The following REV3L variants were observed in gnomAD, a reference collection of about 807,000 sequenced individuals.
REV3L encodes REV3 like, DNA directed polymerase zeta catalytic subunit, also known as DNA polymerase zeta catalytic subunit.
A neutral mutation model predicts 299.4 loss-of-function variants in REV3L; 69 were observed. The observed-to-expected ratio is 0.23, with a 90% CI of 0.19 to 0.28. REV3L has a LOEUF of 0.28. Among genes scored for constraint, REV3L ranks in the 10% least tolerant of loss-of-function variants. The pLI is 1.00. For missense variants in REV3L, 3,128 were observed against 3,693.8 expected (o/e 0.85, Z 3.97); for synonymous variants, 1,238 against 1,271.4 (o/e 0.97, Z 0.56).
intron 1 of REV3L, among the ~76,000 whole-genome samples, chr6:111,469,147 G>A (rs2128335291): frequency 6.6e-6 from 1 of 152,292 alleles, no homozygotes; most frequent in East Asian, 1.9e-4. Context: ...GGGCAACAGA[G>A]CGAGACTGTT....
At chr6:111,344,156 T>TA in intron 20 of REV3L, 113 bp from the exon 21 acceptor site, 2 of 646,632 alleles carry the variant, frequency 3.1e-6, no homozygotes, top group Non-Finnish European at 5.3e-6. Context: ...TTAAAGCTAC[T>TA]TGTAAAACTG....
chr6:111,427,668 C>CA (rs1224401443), intron 1 of REV3L, among the ~76,000 whole-genome samples: 2 of 152,346 alleles, frequency 1.3e-5, no homozygotes, highest in East Asian at 1.9e-4. Flanking sequence ...TTTCCCAACT[C>CA]AGAGTTGCTA....
chr6:111,308,953 T>C (rs1341832608), intron 30 of REV3L, among the ~76,000 whole-genome samples: 6 of 152,222 alleles, frequency 3.9e-5, no homozygotes, highest in Non-Finnish European at 7.3e-5. Context: ...GGTTCCCTTG[T>C]TCCCCTTGCA....
chr6:111,379,573 C>T (rs1235979449), intron 11 of REV3L, among the ~76,000 whole-genome samples: 2 of 152,180 alleles, frequency 1.3e-5, no homozygotes. Flanking sequence ...AACCTTAGTT[C>T]CCTTAGTCTA....
chr6:111,328,640 C>T (rs1775075736), intron 25 of REV3L, among the ~76,000 whole-genome samples: 1 of 152,202 alleles, frequency 6.6e-6, no homozygotes, highest in South Asian at 2.1e-4. Flanking sequence ...AGTCACAGAT[C>T]CCCAAGAATA....
chr6:111,315,742 A>C (rs923703520), intron 26 of REV3L: 1 of 202,206 alleles, frequency 4.9e-6, no homozygotes, highest in Admixed American at 5.2e-5. Context: ...TCAGTGGCAG[A>C]TCAGTCAGAT....
chr6:111,343,860 A>C (rs892092301), intron 21 of REV3L, 65 bp downstream of exon 21: 1 of 1,133,978 alleles, frequency 8.8e-7, no homozygotes, highest in African/African-American at 1.6e-5. Flanking sequence ...TGTGCATTTT[A>C]TTACATATAA....
chr6:111,394,706 ATTTTT>A (rs35239605), intron 4 of REV3L, among the ~76,000 whole-genome samples: 2 of 139,466 alleles, frequency 1.4e-5, no homozygotes, highest in African/African-American at 2.7e-5. Context: ...CTGTCCTACA[ATTTTT>A]TTTTTTTTTT....
rs71021836 is a variant in REV3L at position 111,360,470 on chromosome 6, CTTTT to C, written c.6880-1460_6880-1457del. Among the ~76,000 whole-genome samples the C allele has an allele frequency of 6.7e-3, 864 of 129,512 alleles. 9 individuals are homozygous for C. Among genetic ancestry groups the C allele is most frequent in the African/African-American group, 0.026 (829 of 31,662 alleles). The allele number at this position is 129,512 out of a possible 152,430, so 85.0% of individuals were successfully genotyped here. A position where few individuals can be genotyped will look rare whatever the true frequency, so the allele number is the denominator to read the frequency against. The stretch of plus-strand genomic sequence containing the variant: ...GCTCATTGTAAATTTGTTAAATAAT[CTTTT>C]TTTTTTTTTTTTTTTTTTAGACACA... On this transcript the variant is annotated intron_variant, in intron 16 of 31. Transcript: ENST00000368802.
chr6:111,316,325 G>C (rs1035206990), intron 26 of REV3L, among the ~76,000 whole-genome samples: 3 of 151,892 alleles, frequency 2.0e-5, no homozygotes, highest in Non-Finnish European at 4.4e-5. Flanking sequence ...ATGTACTTGT[G>C]ATATGGGAGA....
Position 111,351,759 on chromosome 6 carries a change from A to G in REV3L, c.7217T>C (p.Ile2406Thr). The G allele has an allele frequency of 1.9e-6, 3 of 1,613,438 alleles. No homozygotes were observed. Among genetic ancestry groups the G allele is most frequent in the Non-Finnish European group, 2.5e-6 (3 of 1,179,508 alleles). ...YDPDILLGYEIQMHSWGYLLQ... is the reference protein window; with the variant it reads ...YDPDILLGYETQMHSWGYLLQ... ...GAGGTAACCCCAGGAATGCATCTGA[A>G]TCTCATATCCTAGCAGAATATCAGG... The change falls in exon 19 of 32, where the codon ATT (isoleucine) becomes ACT (threonine). Residue 2406 changes from isoleucine to threonine, a missense_variant. Physicochemically the swap from Ile to Thr is moderately conservative, Grantham distance 89. Around this residue, in one of 9 missense-constraint regions of REV3L, gnomAD observed 82 missense variants for 142.7 expected, o/e 0.57. Coordinates refer to ENST00000368802, the MANE Select transcript of REV3L (RefSeq NM_001372078.1).
upstream of REV3L, chr6:111,483,238 A>G (rs1210191162): frequency 9.3e-6 from 3 of 323,314 alleles, no homozygotes; most frequent in South Asian, 4.5e-5. Context: ...CACTGGGGGG[A>G]GGGGAGAGGG....
At chr6:111,473,467 A>T (rs188201722) in intron 1 of REV3L, among the ~76,000 whole-genome samples, 5 of 152,142 alleles carry the variant, frequency 3.3e-5, no homozygotes, top group African/African-American at 1.2e-4. Flanking sequence ...CTTTTTTGGA[A>T]ATAGCATACA....
chr6:111,482,788 T>C lies in REV3L; in HGVS notation c.101A>G (p.Lys34Arg). ...TCCGAAGACTCGCACCACCGGCACC[T>C]TCTTGACAGGGGCCTGGGTGAGGGG... ...QSPLTQAPVK[K>R]VPVVRVFGAT... Residue 34 changes from lysine (K) to arginine (R), a missense_variant, in exon 1 of 32, where the codon AAG (lysine) becomes AGG (arginine). Physicochemically the swap from Lys to Arg is conservative, Grantham distance 26. Coordinates refer to ENST00000368802, the MANE Select transcript of REV3L (RefSeq NM_001372078.1). 2 of 1,489,386 alleles carry C rather than the reference T, an allele frequency of 1.3e-6. No individual in the cohort carries two copies. Among genetic ancestry groups the C allele is most frequent in the Non-Finnish European group, 1.8e-6 (2 of 1,119,656 alleles). The allele number at this position is 1,489,386 out of a possible 1,614,324, so 92.3% of individuals were successfully genotyped here. A position where few individuals can be genotyped will look rare whatever the true frequency, so the allele number is the denominator to read the frequency against.
At chr6:111,386,687 A>C (rs1192241521) in intron 9 of REV3L, among the ~76,000 whole-genome samples, 1 of 151,498 alleles carries the variant, frequency 6.6e-6, no homozygotes, top group Non-Finnish European at 1.5e-5. Flanking sequence ...TTTATCCTAA[A>C]ATTTATGCTT....
At chr6:111,377,235 C>A (rs190850012) in intron 12 of REV3L, among the ~76,000 whole-genome samples, 1 of 152,086 alleles carries the variant, frequency 6.6e-6, no homozygotes, top group South Asian at 2.1e-4. Flanking sequence ...TCCTGAAGGA[C>A]GAAACATCAC....
chr6:111,451,846 G>GA (rs36014006), intron 1 of REV3L, among the ~76,000 whole-genome samples: 56,278 of 131,906 alleles, frequency 0.43, 13,158 homozygotes, highest in Non-Finnish European at 0.56. Flanking sequence ...ATCACGAAAG[G>GA]AAAAAAAAAA....
intron 2 of REV3L, chr6:111,412,202 CTG>C (rs1784320331): frequency 1.0e-6 from 1 of 985,246 alleles, no homozygotes; most frequent in Non-Finnish European, 1.2e-6. Context: ...TGTGAAAAAA[CTG>C]TGTAGACAGG....
At chr6:111,431,106 A>G in intron 1 of REV3L, 1 of 1,507,666 alleles carries the variant, frequency 6.6e-7, no homozygotes, top group Non-Finnish European at 9.2e-7. Context: ...ATTCTGATTT[A>G]ATCTATTCAA....
Sources: gnomAD v4.1 joint callset for allele counts (sites outside exome capture counted in the v4.1 genomes callset) on GRCh38, gnomAD v4.1.1 for gene constraint, gnomAD v4.1.1 regional missense constraint, MANE v1.5 for transcripts, NCBI Gene and HGNC (gene_info 2026-07-23, HGNC 2026-07-21) for gene names.